Variants in EPB41L4B observed in about 807,000 individuals in gnomAD.
The protein encoded by EPB41L4B is erythrocyte membrane protein band 4.1 like 4B.
EPB41L4B carries 30 observed loss-of-function variants against 112.5 expected under a neutral mutation model. That is an observed-to-expected ratio of 0.27 (90% confidence interval 0.20 to 0.36). The LOEUF (loss-of-function observed/expected upper bound fraction) is 0.36, where lower values mean the gene tolerates loss of function less well. EPB41L4B is among the 10% of genes least tolerant of loss of function. EPB41L4B has a pLI of 1.00. For missense variants in EPB41L4B, 1,024 were observed against 1,133.3 expected (o/e 0.90, Z 1.38); for synonymous variants, 408 against 439.7 (o/e 0.93, Z 0.90).
chr9:109,308,470 A>C (rs1269914051), intron 1 of EPB41L4B, among the ~76,000 whole-genome samples: 2 of 152,226 alleles, frequency 1.3e-5, no homozygotes, highest in Non-Finnish European at 2.9e-5. Flanking sequence ...AGGTGAAGAG[A>C]AGGTTTTTAG....
At chr9:109,311,525 G>A (rs555533272) in intron 1 of EPB41L4B, among the ~76,000 whole-genome samples, 13 of 152,334 alleles carry the variant, frequency 8.5e-5, no homozygotes, top group African/African-American at 2.9e-4. Flanking sequence ...GGACCCTTGG[G>A]ATATCATCTT....
intron 1 of EPB41L4B, among the ~76,000 whole-genome samples, chr9:109,317,874 C>A (rs1204755001): frequency 6.6e-6 from 1 of 152,168 alleles, no homozygotes; most frequent in African/African-American, 2.4e-5. Flanking sequence ...AAAGAGTGAG[C>A]CCAGTGAAGT....
intron 15 of EPB41L4B, among the ~76,000 whole-genome samples, chr9:109,237,938 T>C (rs1834207422): frequency 6.6e-6 from 1 of 151,864 alleles, no homozygotes; most frequent in South Asian, 2.1e-4. Flanking sequence ...GGTTAGCAAT[T>C]AGATTTCAGT....
At chr9:109,251,013 A>G (rs1285075505) in intron 13 of EPB41L4B, among the ~76,000 whole-genome samples, 2 of 152,214 alleles carry the variant, frequency 1.3e-5, no homozygotes, top group African/African-American at 4.8e-5. Flanking sequence ...CTGTGCTGGC[A>G]ATTTTCACTC....
At chr9:109,294,261 C>T (rs368255028) in intron 1 of EPB41L4B, among the ~76,000 whole-genome samples, 6 of 149,446 alleles carry the variant, frequency 4.0e-5, no homozygotes, top group East Asian at 4.0e-4. Flanking sequence ...GCCGAGATCA[C>T]GCCACTGCAC....
intron 14 of EPB41L4B, among the ~76,000 whole-genome samples, chr9:109,245,030 C>A (rs1333871982): frequency 6.6e-6 from 1 of 152,204 alleles, no homozygotes; most frequent in East Asian, 1.9e-4. Context: ...GACTCTGCAG[C>A]CCCCGGAAGG....
intron 15 of EPB41L4B, among the ~76,000 whole-genome samples, chr9:109,232,000 CT>C (rs539671987): frequency 1.4e-3 from 195 of 143,804 alleles, no homozygotes; most frequent in Middle Eastern, 7.0e-3. Context: ...TTCTGGGTTT[CT>C]TTTTTTTTTT....
intron 19 of EPB41L4B, among the ~76,000 whole-genome samples, chr9:109,201,017 T>TA (rs1426799341): frequency 6.6e-6 from 1 of 152,200 alleles, no homozygotes; most frequent in African/African-American, 2.4e-5. Context: ...ATTTCATTTT[T>TA]AAAAAATCAG....
chr9:109,261,732 T>A (rs1229974173), intron 6 of EPB41L4B, among the ~76,000 whole-genome samples: 1 of 152,120 alleles, frequency 6.6e-6, no homozygotes, highest in Non-Finnish European at 1.5e-5. Flanking sequence ...GGACAGTGGG[T>A]TCCTTCCTTC....
At chr9:109,199,104 T>C (rs1333342414) in intron 20 of EPB41L4B, among the ~76,000 whole-genome samples, 1 of 152,168 alleles carries the variant, frequency 6.6e-6, no homozygotes, top group Admixed American at 6.5e-5. Context: ...CACTTTACTA[T>C]TCCCTAACGA....
rs755922733 is a variant in EPB41L4B, at chr9:109,176,714, A to G, written c.2488-18T>C. On this transcript the variant is annotated intron_variant, in intron 24 of 25. Transcript: ENST00000374566. The stretch of plus-strand genomic sequence containing the variant: ...AAGTCTGCCTGGAGAAGAAACAGGA[A>G]AGAGGAGATCAATCTCAATTTGGGT... 6.2e-6 allele frequency: 10 copies of G among 1,613,168 alleles called. No individual in the cohort carries two copies. Among genetic ancestry groups the G allele is most frequent in the Middle Eastern group, 1.7e-4 (1 of 6,058 alleles).
chr9:109,291,616 G>C (rs901462501), intron 1 of EPB41L4B, among the ~76,000 whole-genome samples: 1 of 152,178 alleles, frequency 6.6e-6, no homozygotes, highest in Admixed American at 6.5e-5. Flanking sequence ...CAATCTCTTA[G>C]AAATCAGAGG....
At chr9:109,237,501 AT>A (rs1834188573) in intron 15 of EPB41L4B, among the ~76,000 whole-genome samples, 1 of 152,218 alleles carries the variant, frequency 6.6e-6, no homozygotes, top group Admixed American at 6.5e-5. Flanking sequence ...GACATTGTTC[AT>A]TTGTGAACTC....
At chr9:109,199,015 T>C (rs1832735415) in intron 20 of EPB41L4B, among the ~76,000 whole-genome samples, 2 of 152,280 alleles carry the variant, frequency 1.3e-5, no homozygotes, top group East Asian at 3.9e-4. Flanking sequence ...ATTATCTTTC[T>C]GCTTTGGATT....
At chr9:109,206,556 T>C (rs1409264041) in intron 18 of EPB41L4B, among the ~76,000 whole-genome samples, 1 of 152,206 alleles carries the variant, frequency 6.6e-6, no homozygotes, top group Non-Finnish European at 1.5e-5. Flanking sequence ...AGGACAAGGA[T>C]GACAAGTGGG....
At chr9:109,214,501 G>T (rs929182389) in intron 16 of EPB41L4B, among the ~76,000 whole-genome samples, 1 of 152,200 alleles carries the variant, frequency 6.6e-6, no homozygotes, top group African/African-American at 2.4e-5. Flanking sequence ...CTGAGAAAAG[G>T]TTTATTTAAT....
rs139884461 is a variant in EPB41L4B at position 109,260,599 on chromosome 9, G to C, written c.632-2302C>G. On this transcript the variant is annotated intron_variant, in intron 6 of 25. Coordinates refer to ENST00000374566, the MANE Select transcript of EPB41L4B (RefSeq NM_019114.5). ...CTGGCTAATTTTTGTATTTTTGGTA[G>C]AGATGGAGTTTTACTATGTTGGCCA... is the stretch of plus-strand genomic sequence containing the variant. Among the ~76,000 whole-genome samples the C allele has an allele frequency of 6.7e-3, 1,027 of 152,174 alleles. 8 individuals carry two copies. The highest frequency in any genetic ancestry group is 0.014 in the Middle Eastern group (4 of 294).
Position 109,208,067 on chromosome 9 carries a change from A to T in EPB41L4B, c.1753-18T>A. On this transcript the variant is annotated intron_variant, in intron 17 of 25. Coordinates refer to ENST00000374566, the MANE Select transcript of EPB41L4B (RefSeq NM_019114.5). ...TCTTCAGCCTGAGACAAACCAAAAT[A>T]CAAACAGCAGATTGTAAACAAAGAG... 6.2e-7 allele frequency: 1 copy of T among 1,613,522 alleles called. No homozygotes were observed. Among genetic ancestry groups the T allele is most frequent in the Non-Finnish European group, 8.5e-7 (1 of 1,179,876 alleles).
At chr9:109,229,452 G>C (rs1277628588) in intron 15 of EPB41L4B, among the ~76,000 whole-genome samples, 1 of 152,190 alleles carries the variant, frequency 6.6e-6, no homozygotes, top group African/African-American at 2.4e-5. Flanking sequence ...CGTCTGGATT[G>C]CTCAGTGCAC....
Sources: gnomAD v4.1 joint callset for allele counts (sites outside exome capture counted in the v4.1 genomes callset) on GRCh38, gnomAD v4.1.1 for gene constraint, MANE v1.5 for transcripts, NCBI Gene and HGNC (gene_info 2026-07-23, HGNC 2026-07-21) for gene names.